Variants in ARHGAP32 observed in about 807,000 individuals in gnomAD.
The protein encoded by ARHGAP32 is Rho GTPase activating protein 32.
In ARHGAP32, 51 loss-of-function variants were observed where a neutral mutation model predicts 186.5. The observed-to-expected ratio is 0.27, with a 90% CI of 0.22 to 0.35. ARHGAP32 has a LOEUF of 0.35. ARHGAP32 is among the 10% of genes least tolerant of loss of function. ARHGAP32 has a pLI of 1.00. For missense variants in ARHGAP32, 2,186 were observed against 2,623.5 expected, an observed-to-expected ratio of 0.83 and a Z score of 3.64; for synonymous variants, 950 against 964.3, an observed-to-expected ratio of 0.99 and a Z score of 0.27.
chr11:129,004,859 T>C (rs1037893412), intron 11 of ARHGAP32, among the ~76,000 whole-genome samples: 14 of 152,190 alleles, frequency 9.2e-5, no homozygotes, highest in Non-Finnish European at 2.1e-4. Context: ...TTTAGTCCAT[T>C]TACATTTGAT....
intron 11 of ARHGAP32, among the ~76,000 whole-genome samples, chr11:129,019,763 T>C (rs1463882253): frequency 1.3e-5 from 2 of 152,142 alleles, no homozygotes; most frequent in African/African-American, 4.8e-5. Context: ...AAATACATCC[T>C]TGAACCAATG....
Position 128,978,753 on chromosome 11 carries a change from A to G in ARHGAP32, c.2122+17T>C, listed in dbSNP as rs771279459. 3.8e-6 allele frequency: 6 copies of G among 1,590,378 alleles called. No individual in the cohort carries two copies. Among genetic ancestry groups the G allele is most frequent in the Non-Finnish European group, 5.1e-6 (6 of 1,172,478 alleles). On this transcript the variant is annotated intron_variant, in intron 19 of 22. Coordinates refer to ENST00000682385, the MANE Select transcript of ARHGAP32 (RefSeq NM_001378024.1). Reference sequence around the variant, plus strand: ...CATCATGACAGCAGCAGAAGTGAGAATCTCCCAGGCACTCACCTTTCAGAG... The same window carrying G: ...CATCATGACAGCAGCAGAAGTGAGAGTCTCCCAGGCACTCACCTTTCAGAG...
At chr11:129,190,507 A>G (rs1944249513) in intron 1 of ARHGAP32, among the ~76,000 whole-genome samples, 1 of 152,234 alleles carries the variant, frequency 6.6e-6, no homozygotes, top group Non-Finnish European at 1.5e-5. Context: ...TCACTAGCTC[A>G]GTTTCTCAGA....
chr11:129,192,041 A>G, intron 1 of ARHGAP32, 42 bp downstream of exon 1: 1 of 1,392,214 alleles, frequency 7.2e-7, no homozygotes, highest in Non-Finnish European at 1.0e-6. Flanking sequence ...GGGTGGGGGT[A>G]GGGAGTGGAC....
At position 128,967,924 on chromosome 11, in the gene ARHGAP32, C is replaced by CTTTT. The variant is rs35026265; in HGVS notation, c.*979_*982dup. ...GTCTATCCAGTCAAACCATGCTGGGCTTTTTTTTTTTTTTTTTTTTTTAAT... is the reference window on the plus strand; with the variant it reads ...GTCTATCCAGTCAAACCATGCTGGGCTTTTTTTTTTTTTTTTTTTTTTTTTTAAT... On this transcript the variant is annotated 3_prime_UTR_variant, in exon 23 of 23. Coordinates refer to ENST00000682385, the MANE Select transcript of ARHGAP32 (RefSeq NM_001378024.1). 11 of 84,892 alleles carry CTTTT rather than the reference C, an allele frequency of 1.3e-4. No homozygotes were observed. The highest frequency in any genetic ancestry group is 1.9e-4 in the Non-Finnish European group (8 of 42,728). 5.3% of individuals were successfully genotyped at this position (84,892 alleles called of 1,614,324 possible). A position where few individuals can be genotyped will look rare whatever the true frequency, so the allele number is the denominator to read the frequency against.
intron 5 of ARHGAP32, among the ~76,000 whole-genome samples, chr11:129,106,174 A>G (rs1942042030): frequency 6.6e-6 from 1 of 152,116 alleles, no homozygotes; most frequent in African/African-American, 2.4e-5. Flanking sequence ...ATTACTGGAT[A>G]TATATACAAA....
At chr11:129,027,995 A>G (rs981436894) in intron 11 of ARHGAP32, among the ~76,000 whole-genome samples, 1 of 152,180 alleles carries the variant, frequency 6.6e-6, no homozygotes, top group African/African-American at 2.4e-5. Context: ...AAGACTGATT[A>G]GGGGGCTACT....
At chr11:129,197,254 A>C (rs1416011066), upstream of ARHGAP32, among the ~76,000 whole-genome samples, 1 of 151,988 alleles carries the variant, frequency 6.6e-6, no homozygotes, top group African/African-American at 2.4e-5. Flanking sequence ...ACCTACATCT[A>C]ATTCTATATC....
At chr11:128,976,236 T>C (rs899238685) in intron 20 of ARHGAP32, among the ~76,000 whole-genome samples, 5 of 152,092 alleles carry the variant, frequency 3.3e-5, no homozygotes, top group Admixed American at 2.0e-4. Context: ...GGAAAACTCT[T>C]ATGCTCCCAT....
chr11:128,969,027 A>G lies in ARHGAP32; in HGVS notation c.6186T>C (p.Tyr2062=), dbSNP rs1281198259. ...GVFGGGGMGT[Y]VPPGFPHPQS... is the part of the protein sequence containing the mutation. ...GTGGATGGGGAAAGCCAGGGGGCAC[A>G]TACGTCCCCATGCCGCCCCCTCCAA... is the stretch of plus-strand genomic sequence containing the variant. Residue 2062 remains tyrosine (Y), a synonymous_variant, in exon 23 of 23, where the codon TAT becomes TAC. Coordinates refer to ENST00000682385, the MANE Select transcript of ARHGAP32 (RefSeq NM_001378024.1). This position sits in a 1 kb window ranked among gnomAD's most constrained non-coding sequence, Gnocchi z 4.8. The G allele has an allele frequency of 3.1e-6, 5 of 1,611,924 alleles. No individual in the cohort carries two copies. Among genetic ancestry groups the G allele is most frequent in the Admixed American group, 1.7e-5 (1 of 59,900 alleles).
At chr11:129,148,052 G>T (rs2135444924) in intron 2 of ARHGAP32, among the ~76,000 whole-genome samples, 1 of 152,302 alleles carries the variant, frequency 6.6e-6, no homozygotes, top group Admixed American at 6.5e-5. Context: ...TACATCTTAA[G>T]TTACTTACAT....
At chr11:129,269,011 C>G (rs1945441696) in intron 1 of ARHGAP32, among the ~76,000 whole-genome samples, 1 of 152,168 alleles carries the variant, frequency 6.6e-6, no homozygotes, top group Admixed American at 6.5e-5. Flanking sequence ...TGGCTCATGC[C>G]TATAATCCCA....
chr11:129,045,500 G>C (rs1240989608), intron 10 of ARHGAP32, among the ~76,000 whole-genome samples: 1 of 152,180 alleles, frequency 6.6e-6, no homozygotes, highest in Non-Finnish European at 1.5e-5. Flanking sequence ...AAATTTTCAT[G>C]ATAAAAAATT....
chr11:129,248,620 C>T (rs1341029651), intron 1 of ARHGAP32, among the ~76,000 whole-genome samples: 1 of 152,098 alleles, frequency 6.6e-6, no homozygotes, highest in Non-Finnish European at 1.5e-5. Context: ...GTGCTGTCTA[C>T]AGATAAATAA....
At chr11:129,192,819 G>T (rs1944295355), upstream of ARHGAP32, among the ~76,000 whole-genome samples, 1 of 152,262 alleles carries the variant, frequency 6.6e-6, no homozygotes, top group Non-Finnish European at 1.5e-5. Flanking sequence ...AGACATAAAA[G>T]CTGGGCTTGT....
rs1355853237 is a variant in ARHGAP32 at position 129,178,819 on chromosome 11, A to T, written c.116+13264T>A. Among the ~76,000 whole-genome samples, 173 of 150,862 alleles carry T rather than the reference A, an allele frequency of 1.1e-3. 1 individual carries two copies. Among genetic ancestry groups the T allele is most frequent in the African/African-American group, 3.9e-3 (163 of 41,272 alleles). On this transcript the variant is annotated intron_variant, in intron 1 of 22. Transcript: ENST00000682385. The stretch of plus-strand genomic sequence containing the variant: ...AAGATGGATTAAAGACTTAAATATT[A>T]GACCTAAAACCATAAAAACCCTAGA...
At chr11:129,136,122 C>A (rs1359082160) in intron 2 of ARHGAP32, among the ~76,000 whole-genome samples, 1 of 151,744 alleles carries the variant, frequency 6.6e-6, no homozygotes, top group African/African-American at 2.4e-5. Context: ...TAAACATTAA[C>A]CTAAAAAAAG....
chr11:129,159,150 A>G (rs924840695), intron 2 of ARHGAP32, among the ~76,000 whole-genome samples: 1 of 152,234 alleles, frequency 6.6e-6, no homozygotes, highest in Non-Finnish European at 1.5e-5. Context: ...AAAGAACTAG[A>G]GAAGCAAGAG....
At chr11:129,097,088 A>G (rs1941750557) in intron 5 of ARHGAP32, among the ~76,000 whole-genome samples, 2 of 152,078 alleles carry the variant, frequency 1.3e-5, no homozygotes, top group Admixed American at 6.5e-5. Flanking sequence ...TTACCACATC[A>G]TTAGATTCAA....
Sources: allele counts gnomAD v4.1 joint callset (sites outside exome capture counted in the v4.1 genomes callset), GRCh38; gene constraint gnomAD v4.1.1; non-coding constraint Gnocchi (gnomAD v3.1); transcripts MANE v1.5; gene names NCBI Gene and HGNC (gene_info 2026-07-23, HGNC 2026-07-21).